The following PCDHGA1 variants were observed in gnomAD, a reference collection of about 807,000 sequenced individuals.
PCDHGA1 encodes the protein protocadherin gamma subfamily A, 1.
Under a neutral mutation model 58.0 loss-of-function variants are expected in PCDHGA1, and 32 were observed. The ratio of observed to expected loss-of-function variants is 0.55; its 90% CI spans 0.42 to 0.74. The LOEUF (loss-of-function observed/expected upper bound fraction) is 0.74. PCDHGA1 is among the 30% of genes least tolerant of loss of function. The pLI, the probability that PCDHGA1 is intolerant of heterozygous loss-of-function variation, is 0.00. For synonymous variants in PCDHGA1, 498 were observed against 501.1 expected (o/e 0.99, Z 0.08); for missense variants, 1,205 against 1,182.3 (o/e 1.02, Z -0.28).
rs759899934 is a variant in PCDHGA1, at chr5:141,421,255, C to G, written c.2422-73552C>G. The stretch of plus-strand genomic sequence containing the variant: ...GGCGAATCGGCTACAGCGCGGGGAC[C>G]GCAGTCGGCTGCTGCTGCTGCTGTG... On this transcript the variant is annotated intron_variant, in intron 1 of 3. Coordinates refer to ENST00000517417, the MANE Select transcript of PCDHGA1 (RefSeq NM_018912.3). The G allele has an allele frequency of 6.0e-5, 97 of 1,607,644 alleles. No individual in the cohort carries two copies. Among genetic ancestry groups the G allele is most frequent in the Middle Eastern group, 3.3e-4 (2 of 6,058 alleles).
chr5:141,378,321 G>C (rs1295221856), intron 1 of PCDHGA1: 1 of 152,218 alleles, frequency 6.6e-6, no homozygotes, highest in African/African-American at 2.4e-5. Context: ...TCAGGAGTTC[G>C]AGACCAGCCT....
intron 1 of PCDHGA1, chr5:141,360,648 C>T (rs1346761280): frequency 1.9e-5 from 31 of 1,613,888 alleles, no homozygotes; most frequent in African/African-American, 5.3e-5. Flanking sequence ...AAAGATACCA[C>T]CTTAATGACA....
intron 1 of PCDHGA1, chr5:141,405,160 C>T (rs2094616263): frequency 6.2e-7 from 1 of 1,614,028 alleles, no homozygotes; most frequent in Non-Finnish European, 8.5e-7. Flanking sequence ...CTGGTGTGCC[C>T]ACCTCACACT....
At chr5:141,371,947 G>C in intron 1 of PCDHGA1, 1 of 1,613,300 alleles carries the variant, frequency 6.2e-7, no homozygotes, top group Non-Finnish European at 8.5e-7. Context: ...TTCGCGCAGC[G>C]AGCCTTCGAC....
chr5:141,374,815 G>T, intron 1 of PCDHGA1: 1 of 1,613,934 alleles, frequency 6.2e-7, no homozygotes, highest in Non-Finnish European at 8.5e-7. Context: ...TGTTTACTCA[G>T]CCTGTCTACC....
At chr5:141,340,382 G>A in intron 1 of PCDHGA1, 1 of 1,614,154 alleles carries the variant, frequency 6.2e-7, no homozygotes, top group South Asian at 1.1e-5. Context: ...AGGAGCCTCT[G>A]TCTTCTCAGT....
At position 141,491,052 on chromosome 5, in the gene PCDHGA1, G is replaced by A. The variant is rs2099707642; in HGVS notation, c.2422-3755G>A. ...ATGCTGATGCAGGCCACAATGCGTG[G>A]CTCTCCTACTCACTGTTGCCACAGT... On this transcript the variant is annotated intron_variant, in intron 1 of 3. Transcript: ENST00000517417. The surrounding 1 kb of genome is among the most constrained non-coding windows in gnomAD (Gnocchi z 6.9). 3.1e-6 allele frequency: 5 copies of A among 1,614,038 alleles called. No individual in the cohort carries two copies. The highest frequency in any genetic ancestry group is 4.2e-6 in the Non-Finnish European group (5 of 1,180,032).
intron 1 of PCDHGA1, chr5:141,413,192 A>G: frequency 1.2e-6 from 2 of 1,607,816 alleles, no homozygotes; most frequent in South Asian, 2.2e-5. Context: ...GCTCAAAGGA[A>G]TCGCTCAAAG....
rs757019379 is a variant in PCDHGA1 at position 141,390,006 on chromosome 5, G to T, written c.2421+56901G>T. 4.5e-5 allele frequency: 73 copies of T among 1,613,888 alleles called. No individual in the cohort carries two copies. Among genetic ancestry groups the T allele is most frequent in the Admixed American group, 1.7e-5 (1 of 60,004 alleles). ...GCTCTTCCTCGTGGCCATGATTCTG[G>T]CCATTGCCTTGCGCCTGCGACGCTC... On this transcript the variant is annotated intron_variant, in intron 1 of 3. Transcript: ENST00000517417.
intron 1 of PCDHGA1, among the ~76,000 whole-genome samples, chr5:141,462,192 T>C (rs1323806836): frequency 6.6e-6 from 1 of 152,198 alleles, no homozygotes; most frequent in Non-Finnish European, 1.5e-5. Context: ...ACTCCTGACC[T>C]CAGGTGATCC....
intron 1 of PCDHGA1, chr5:141,397,962 A>G (rs968992832): frequency 2.0e-5 from 21 of 1,036,912 alleles, no homozygotes; most frequent in Non-Finnish European, 2.8e-5. Flanking sequence ...CCCAGCTCAG[A>G]CTCCCCAGCG....
Position 141,399,470 on chromosome 5 carries a change from T to C in PCDHGA1, c.2421+66365T>C, listed in dbSNP as rs773359741. 70 of 1,614,018 alleles carry C rather than the reference T, an allele frequency of 4.3e-5. No individual in the cohort carries two copies. The Middle Eastern group carries it at 4.9e-4, about 11-fold the overall frequency. On this transcript the variant is annotated intron_variant, in intron 1 of 3. Coordinates refer to ENST00000517417, the MANE Select transcript of PCDHGA1 (RefSeq NM_018912.3). ...GACGTCAACGATAACGCTCCGGTTT[T>C]CCACCAGGCGTCCTACTTAGTCAGT... is the stretch of plus-strand genomic sequence containing the variant.
intron 3 of PCDHGA1, among the ~76,000 whole-genome samples, chr5:141,505,981 A>G (rs1285802357): frequency 6.6e-6 from 1 of 151,898 alleles, no homozygotes; most frequent in Non-Finnish European, 1.5e-5. Context: ...CCGAGAGAAC[A>G]CCTCCTCTTT....
At chr5:141,338,737 G>A (rs1756774061) in intron 1 of PCDHGA1, 3 of 1,063,560 alleles carry the variant, frequency 2.8e-6, no homozygotes, top group Middle Eastern at 3.6e-4. Flanking sequence ...ACCACCTAAG[G>A]AGTAAAAGGC....
At chr5:141,504,986 AC>A (rs1225847397) in intron 2 of PCDHGA1, among the ~76,000 whole-genome samples, 4 of 151,936 alleles carry the variant, frequency 2.6e-5, no homozygotes, top group Non-Finnish European at 5.9e-5. Context: ...ACATGGTGAA[AC>A]CCCGTCTGTA....
chr5:141,407,371 T>C (rs2094921499), intron 1 of PCDHGA1, among the ~76,000 whole-genome samples: 1 of 152,222 alleles, frequency 6.6e-6, no homozygotes, highest in South Asian at 2.1e-4. Context: ...CAGATATCCA[T>C]GAAGGCTTGT....
chr5:141,431,498 T>C lies in PCDHGA1; in HGVS notation c.2422-63309T>C, dbSNP rs1274311782. On this transcript the variant is annotated intron_variant, in intron 1 of 3. Coordinates refer to ENST00000517417, the MANE Select transcript of PCDHGA1 (RefSeq NM_018912.3). The surrounding 1 kb of genome is among the most constrained non-coding windows in gnomAD (Gnocchi z 4.8). ...CGCACCAGCGTTTGCTCAGCCCGAG[T>C]ACCGCGCGAGCGTTCCGGAGAATCT... The C allele has an allele frequency of 6.2e-7, 1 of 1,613,992 alleles. No homozygotes were observed. Among genetic ancestry groups the C allele is most frequent in the Non-Finnish European group, 8.5e-7 (1 of 1,180,034 alleles).
In PCDHGA1 at chr5:141,485,956, C is replaced by T. The variant is rs1430530851; in HGVS notation, c.2422-8851C>T. 1 of 1,614,150 alleles carries T rather than the reference C, an allele frequency of 6.2e-7. No individual in the cohort carries two copies. Among genetic ancestry groups the T allele is most frequent in the South Asian group, 1.1e-5 (1 of 91,074 alleles). ...AGAGCGCACCAGCGGGCATGGTGCT[C>T]ATCCAGCTCAATGCCTCAGACCCGG... On this transcript the variant is annotated intron_variant, in intron 1 of 3. Coordinates refer to ENST00000517417, the MANE Select transcript of PCDHGA1 (RefSeq NM_018912.3). This position sits in a 1 kb window ranked among gnomAD's most constrained non-coding sequence, Gnocchi z 5.7.
chr5:141,430,822 G>C lies in PCDHGA1; in HGVS notation c.2422-63985G>C, dbSNP rs752634890. 5.8e-6 allele frequency: 9 copies of C among 1,542,380 alleles called. No homozygotes were observed. The African/African-American group carries it at 1.1e-4, about 19-fold the overall frequency. On this transcript the variant is annotated intron_variant, in intron 1 of 3. Transcript: ENST00000517417. ...TTGTCCTGCTGGGAATCCTCCTGGGGACTCTGTGGGAGACCGGATGCACCC... is the reference window on the plus strand; with the variant it reads ...TTGTCCTGCTGGGAATCCTCCTGGGCACTCTGTGGGAGACCGGATGCACCC...
Sources: allele counts gnomAD v4.1 joint callset (sites outside exome capture counted in the v4.1 genomes callset), GRCh38; gene constraint gnomAD v4.1.1; non-coding constraint Gnocchi (gnomAD v3.1); transcripts MANE v1.5; gene names NCBI Gene and HGNC (gene_info 2026-07-23, HGNC 2026-07-21).